The following MYO7B variants were observed in gnomAD, a reference collection of about 807,000 sequenced individuals.
The protein encoded by MYO7B is myosin VIIB.
Under a neutral mutation model 259.7 loss-of-function variants are expected in MYO7B, and 212 were observed. The observed-to-expected ratio is 0.82, with a 90% CI of 0.73 to 0.91. The LOEUF (loss-of-function observed/expected upper bound fraction) is 0.91, where lower values mean the gene tolerates loss of function less well. Among genes scored for constraint, MYO7B ranks in the 40% least tolerant of loss-of-function variants. The probability of loss-of-function intolerance (pLI) is 0.00; values close to 1 mark genes in which losing one functional copy is unlikely to be tolerated. For synonymous variants in MYO7B, 1,197 were observed against 1,166.4 expected (o/e 1.03, Z -0.54); for missense variants, 2,732 against 2,813.5 (o/e 0.97, Z 0.66).
chr2:127,591,168 G>A (rs1279741836), intron 16 of MYO7B, among the ~76,000 whole-genome samples: 1 of 152,206 alleles, frequency 6.6e-6, no homozygotes, highest in Non-Finnish European at 1.5e-5. Flanking sequence ...CAGCCTGGGT[G>A]ACAGAGCAAG....
chr2:127,622,488 G>A (rs953416127), intron 28 of MYO7B, among the ~76,000 whole-genome samples: 2 of 152,166 alleles, frequency 1.3e-5, no homozygotes, highest in Admixed American at 6.5e-5. Flanking sequence ...GTGCCACCTC[G>A]ACCTGCTTTG....
intron 19 of MYO7B, among the ~76,000 whole-genome samples, chr2:127,599,597 A>G (rs929961206): frequency 1.3e-5 from 2 of 152,114 alleles, no homozygotes; most frequent in African/African-American, 4.8e-5. Context: ...TTTGTCCTTT[A>G]TCTTAGGGGG....
At chr2:127,587,182 C>T (rs80137726) in intron 14 of MYO7B, among the ~76,000 whole-genome samples, 101 of 152,318 alleles carry the variant, frequency 6.6e-4, no homozygotes, top group Non-Finnish European at 1.2e-3. Context: ...CCAAGCAGTG[C>T]AGCCCCTGGC....
At chr2:127,561,362 A>G (rs902845789) in intron 2 of MYO7B, among the ~76,000 whole-genome samples, 3 of 151,776 alleles carry the variant, frequency 2.0e-5, no homozygotes, top group Admixed American at 6.6e-5. Context: ...AGGTTCAAGC[A>G]ATCCTCCCAC....
At chr2:127,538,494 A>T (rs773875201) in intron 1 of MYO7B, among the ~76,000 whole-genome samples, 12 of 152,130 alleles carry the variant, frequency 7.9e-5, no homozygotes, top group Non-Finnish European at 1.5e-4. Flanking sequence ...CTTGCTCATC[A>T]GGTTAAGAGA....
rs914664592 is a variant in MYO7B at position 127,577,449 on chromosome 2, C to A, written c.850-684C>A. 1.3e-5 allele frequency among the ~76,000 whole-genome samples: 2 copies of A among 152,150 alleles called. No homozygotes were observed. The highest frequency in any genetic ancestry group is 2.9e-5 in the Non-Finnish European group (2 of 68,020). ...GATGGCACTGCTGCAGTGACCCCTGCGGCTTGTAGGGTAGAAGTCCAAACT... is the reference window on the plus strand; with the variant it reads ...GATGGCACTGCTGCAGTGACCCCTGAGGCTTGTAGGGTAGAAGTCCAAACT... On this transcript the variant is annotated intron_variant, in intron 8 of 47. Transcript: ENST00000409816. This position sits in a 1 kb window ranked among gnomAD's most constrained non-coding sequence, Gnocchi z 5.2.
chr2:127,633,285 C>G lies in MYO7B; in HGVS notation c.5433C>G (p.His1811Gln), dbSNP rs766014947. 3 of 1,612,456 alleles carry G rather than the reference C, an allele frequency of 1.9e-6. No individual in the cohort carries two copies. The highest frequency in any genetic ancestry group is 2.5e-6 in the Non-Finnish European group (3 of 1,179,700). The change falls in exon 40 of 48, where the codon CAC becomes CAG. Residue 1811 changes from histidine to glutamine, a missense_variant. By Grantham distance (24) the His-to-Gln change is conservative. Transcript: ENST00000409816. ...LRTGPRKQPPHQVEVEAAEQN... is the reference protein window; with the variant it reads ...LRTGPRKQPPQQVEVEAAEQN... ...CGGGGCCCCGGAAGCAGCCCCCGCACCAGGTGGAGGTGGAGGCCGCAGAGC... is the reference window on the plus strand; with the variant it reads ...CGGGGCCCCGGAAGCAGCCCCCGCAGCAGGTGGAGGTGGAGGCCGCAGAGC...
At position 127,611,718 on chromosome 2, in the gene MYO7B, G is replaced by A. The variant is rs182417726; in HGVS notation, c.3193-532G>A. ...TCATGACGCCATCATGAGAAGGGGCGGCCTCTGCCTAAGGAGAGCAACAGA... is the reference window on the plus strand; with the variant it reads ...TCATGACGCCATCATGAGAAGGGGCAGCCTCTGCCTAAGGAGAGCAACAGA... On this transcript the variant is annotated intron_variant, in intron 24 of 47. Coordinates refer to ENST00000409816, the MANE Select transcript of MYO7B (RefSeq NM_001393586.1). This position sits in a 1 kb window ranked among gnomAD's most constrained non-coding sequence, Gnocchi z 5.4. Among the ~76,000 whole-genome samples, 9 of 152,274 alleles carry A rather than the reference G, an allele frequency of 5.9e-5. No individual in the cohort carries two copies. Among genetic ancestry groups the A allele is most frequent in the East Asian group, 3.9e-4 (2 of 5,178 alleles).
intron 27 of MYO7B, among the ~76,000 whole-genome samples, chr2:127,621,453 G>T (rs1311483601): frequency 1.3e-5 from 2 of 152,122 alleles, no homozygotes; most frequent in East Asian, 3.8e-4. Flanking sequence ...TAGAAATGGG[G>T]TTTCACCATG....
In MYO7B at chr2:127,536,549, G is replaced by A. The variant is rs567633789; in HGVS notation, c.-24+718G>A. ...TGGGCTGTCCCCCTTGAGCTGTCCA[G>A]GTGGTGTGTGTCCCATCCCCATTTC... On this transcript the variant is annotated intron_variant, in intron 1 of 47. Coordinates refer to ENST00000409816, the MANE Select transcript of MYO7B (RefSeq NM_001393586.1). Among the ~76,000 whole-genome samples the A allele has an allele frequency of 1.1e-4, 16 of 152,202 alleles. No individual in the cohort carries two copies. In the South Asian group the frequency reaches 1.9e-3, roughly 18 times the overall value.
In MYO7B at chr2:127,576,452, G is replaced by A. The variant is rs2104914936; in HGVS notation, c.736-143G>A. 1.9e-6 allele frequency: 1 copy of A among 525,264 alleles called. No individual in the cohort carries two copies. The highest frequency in any genetic ancestry group is 3.3e-5 in the East Asian group (1 of 29,936). The allele number at this position is 525,264 out of a possible 1,614,324, so 32.5% of individuals were successfully genotyped here. On this transcript the variant is annotated intron_variant, in intron 7 of 47. Transcript: ENST00000409816. This position sits in a 1 kb window ranked among gnomAD's most constrained non-coding sequence, Gnocchi z 4.9. ...CAGGGACAGCAACCAAGCCAGGCTGGCCCTGGGTCAGTGCCAGAGCTGCTC... is the reference window on the plus strand; with the variant it reads ...CAGGGACAGCAACCAAGCCAGGCTGACCCTGGGTCAGTGCCAGAGCTGCTC...
Position 127,569,792 on chromosome 2 carries a change from C to G in MYO7B, c.474C>G (p.Gly158=), listed in dbSNP as rs752845687. Residue 158 remains glycine (G), a synonymous_variant, in exon 6 of 48, where the codon GGC becomes GGG. Coordinates refer to ENST00000409816, the MANE Select transcript of MYO7B (RefSeq NM_001393586.1). Reference sequence around the variant, plus strand: ...TCCCTGCACACCCTTTTTGCAGCGGCGAGTCTGGGGCTGGCAAGACGGAGA... The same window carrying G: ...TCCCTGCACACCCTTTTTGCAGCGGGGAGTCTGGGGCTGGCAAGACGGAGA... ...NKRDQCCIIS[G]ESGAGKTETT... is the part of the protein sequence containing the mutation. The G allele has an allele frequency of 5.0e-6, 8 of 1,608,154 alleles. No individual in the cohort carries two copies. Among genetic ancestry groups the G allele is most frequent in the Non-Finnish European group, 6.8e-6 (8 of 1,177,132 alleles).
chr2:127,634,960 C>T, intron 42 of MYO7B, 160 bp from the exon 43 acceptor site: 1 of 674,268 alleles, frequency 1.5e-6, no homozygotes, highest in South Asian at 1.7e-5. Flanking sequence ...AGAAGGCAGC[C>T]TCTACACTAA....
At position 127,628,297 on chromosome 2, in the gene MYO7B, C is replaced by T. The variant is rs1681261349; in HGVS notation, c.4461-75C>T. 5 of 1,530,064 alleles carry T rather than the reference C, an allele frequency of 3.3e-6. No individual in the cohort carries two copies. Among genetic ancestry groups the T allele is most frequent in the Non-Finnish European group, 4.4e-6 (5 of 1,138,348 alleles). The allele number at this position is 1,530,064 out of a possible 1,614,324, so 94.8% of individuals were successfully genotyped here. On this transcript the variant is annotated intron_variant, in intron 33 of 47. Transcript: ENST00000409816. This position sits in a 1 kb window ranked among gnomAD's most constrained non-coding sequence, Gnocchi z 4.8. ...CTGTGACTCAGGACCCCCAACCCCA[C>T]CTCCCGAGGCTGTTTAGGGGCTGGA...
Position 127,578,293 on chromosome 2 carries a change from C to T in MYO7B, c.1003+7C>T, listed in dbSNP as rs1459877657. The T allele has an allele frequency of 6.2e-7, 1 of 1,613,188 alleles. No individual in the cohort carries two copies. Among genetic ancestry groups the T allele is most frequent in the Non-Finnish European group, 8.5e-7 (1 of 1,179,754 alleles). ...GGGAATGTGGGGTTCATGGGTAATGCCGGTTCTGCCCCAACTGCACCCTTG... is the reference window on the plus strand; with the variant it reads ...GGGAATGTGGGGTTCATGGGTAATGTCGGTTCTGCCCCAACTGCACCCTTG... On this transcript the variant is annotated splice_region_variant and intron_variant, in intron 9 of 47. Coordinates refer to ENST00000409816, the MANE Select transcript of MYO7B (RefSeq NM_001393586.1).
At chr2:127,623,448 C>T in intron 29 of MYO7B, 73 bp downstream of exon 29, 1 of 1,429,556 alleles carries the variant, frequency 7.0e-7, no homozygotes, top group South Asian at 1.4e-5. Flanking sequence ...GGCTCAAGCC[C>T]TCTCACCTTT....
Position 127,607,693 on chromosome 2 carries a change from A to G in MYO7B, c.2643+269A>G, listed in dbSNP as rs1680210886. On this transcript the variant is annotated intron_variant, in intron 21 of 47. Coordinates refer to ENST00000409816, the MANE Select transcript of MYO7B (RefSeq NM_001393586.1). This position sits in a 1 kb window ranked among gnomAD's most constrained non-coding sequence, Gnocchi z 4.4. ...CGTCCTCCTCTCCCTATTCAAAGTC[A>G]GTTCTACAATGGCTCTGCAATGGCT... Among the ~76,000 whole-genome samples the G allele has an allele frequency of 6.6e-6, 1 of 152,242 alleles. No homozygotes were observed. The highest frequency in any genetic ancestry group is 1.5e-5 in the Non-Finnish European group (1 of 68,044).
intron 1 of MYO7B, among the ~76,000 whole-genome samples, chr2:127,544,572 C>T (rs1386856889): frequency 7.8e-6 from 1 of 127,960 alleles, no homozygotes; most frequent in Non-Finnish European, 1.6e-5. Context: ...CCACGTCTGG[C>T]TAATTTTTTT....
intron 43 of MYO7B, chr2:127,635,445 G>C (rs1263839300): frequency 3.2e-6 from 2 of 627,410 alleles, no homozygotes; most frequent in Middle Eastern, 4.2e-4. Context: ...GCATGACTTG[G>C]AGAGGGTGGG....
Sources: allele counts gnomAD v4.1 joint callset (sites outside exome capture counted in the v4.1 genomes callset), GRCh38; gene constraint gnomAD v4.1.1; non-coding constraint Gnocchi (gnomAD v3.1); transcripts MANE v1.5; gene names NCBI Gene and HGNC (gene_info 2026-07-23, HGNC 2026-07-21).